The following RAB4A variants were observed in gnomAD, a reference collection of about 807,000 sequenced individuals.
RAB4A encodes the protein ras-related protein Rab-4A.
A neutral mutation model predicts 34.5 loss-of-function variants in RAB4A; 20 were observed. That is an observed-to-expected ratio of 0.58 (90% CI 0.41 to 0.84). The LOEUF (loss-of-function observed/expected upper bound fraction) is 0.84. Ranked by LOEUF, RAB4A falls within the 40% of genes least tolerant of loss-of-function variation. The pLI is 0.00. For missense variants in RAB4A, 228 were observed against 274.5 expected, an observed-to-expected ratio of 0.83 and a Z score of 1.20; for synonymous variants, 102 against 100.0, an observed-to-expected ratio of 1.02 and a Z score of -0.12.
intron 1 of RAB4A, among the ~76,000 whole-genome samples, chr1:229,272,361 T>C (rs1656513042): frequency 6.6e-6 from 1 of 152,134 alleles, no homozygotes; most frequent in Admixed American, 6.5e-5. Context: ...CTTCCTTCTC[T>C]GCAACAAATA....
chr1:229,271,940 T>A (rs1305640425), intron 1 of RAB4A, among the ~76,000 whole-genome samples: 1 of 152,204 alleles, frequency 6.6e-6, no homozygotes, highest in Non-Finnish European at 1.5e-5. Context: ...TAGCCTTTTC[T>A]GGGTTGCATT....
intron 6 of RAB4A, 79 bp from the exon 7 acceptor site, chr1:229,302,783 C>CT (rs563708134): frequency 0.063 from 49,411 of 787,922 alleles, 2 homozygotes; most frequent in South Asian, 0.069. Flanking sequence ...CTGTACTTTG[C>CT]TTTTTTTTTT....
intron 6 of RAB4A, among the ~76,000 whole-genome samples, chr1:229,299,432 G>A (rs1657326039): frequency 1.3e-5 from 2 of 152,176 alleles, no homozygotes; most frequent in Admixed American, 1.3e-4. Context: ...TAATTCTGTT[G>A]GGCCAGTGGT....
At chr1:229,303,087 C>A in intron 7 of RAB4A, 98 bp downstream of exon 7, 1 of 842,366 alleles carries the variant, frequency 1.2e-6, no homozygotes, top group East Asian at 2.6e-5. Context: ...AGAGGGGATC[C>A]CAGCCGGGTG....
intron 1 of RAB4A, among the ~76,000 whole-genome samples, chr1:229,285,964 G>A (rs1419472806): frequency 3.9e-5 from 6 of 152,196 alleles, no homozygotes; most frequent in Non-Finnish European, 7.3e-5. Flanking sequence ...CCTAAACTTG[G>A]CTTATGCCGT....
chr1:229,286,512 G>A lies in RAB4A; in HGVS notation c.58G>A (p.Gly20Arg). 1.3e-6 allele frequency: 2 copies of A among 1,578,390 alleles called. No homozygotes were observed. Among genetic ancestry groups the A allele is most frequent in the Non-Finnish European group, 1.7e-6 (2 of 1,163,860 alleles). ...YDFLFKFLVI[G>R]NAGTGKSCLL... ...TTTTTTGTTTAAGTTCTTGGTTATT[G>A]GAAATGCAGGAACTGGCAAATCTTG... Residue 20 changes from glycine (G) to arginine (R), a missense_variant, in exon 2 of 8, where the codon GGA (glycine) becomes AGA (arginine). Transcript: ENST00000366690.
chr1:229,281,000 G>A (rs767689241), intron 1 of RAB4A, among the ~76,000 whole-genome samples: 1 of 152,146 alleles, frequency 6.6e-6, no homozygotes, highest in Admixed American at 6.5e-5. Context: ...TGTTATGAGT[G>A]TACCAAAGAT....
At chr1:229,284,074 T>TG (rs1558236456) in intron 1 of RAB4A, among the ~76,000 whole-genome samples, 11 of 146,526 alleles carry the variant, frequency 7.5e-5, no homozygotes, top group African/African-American at 1.1e-4. Flanking sequence ...GGTGGTTTTT[T>TG]TTGTTGTTGG....
intron 1 of RAB4A, among the ~76,000 whole-genome samples, chr1:229,280,037 AG>A (rs1490268975): frequency 1.2e-4 from 18 of 152,320 alleles, no homozygotes; most frequent in Non-Finnish European, 2.9e-5. Context: ...GCCTTTCTGT[AG>A]TTGTTAAGCA....
In RAB4A at chr1:229,276,812, C is replaced by A. The variant is rs1040280938; in HGVS notation, c.31+5442C>A. ...GCAAATTGGGTTTCATTCCAAAGTT[C>A]TTCGTCGTAGTGACTTGAGCAGCTG... On this transcript the variant is annotated intron_variant, in intron 1 of 7. Transcript: ENST00000366690. Among the ~76,000 whole-genome samples, 6 of 150,826 alleles carry A rather than the reference C, an allele frequency of 4.0e-5. 1 individual carries two copies. Among genetic ancestry groups the A allele is most frequent in the African/African-American group, 1.5e-4 (6 of 40,284 alleles).
intron 1 of RAB4A, among the ~76,000 whole-genome samples, chr1:229,277,281 T>A (rs2102834443): frequency 6.6e-6 from 1 of 151,120 alleles, no homozygotes; most frequent in South Asian, 2.1e-4. Flanking sequence ...GATTCCGCTG[T>A]GCCGACAACG....
Position 229,305,068 on chromosome 1 carries a change from A to G in RAB4A, c.*1275A>G. On this transcript the variant is annotated 3_prime_UTR_variant, in exon 8 of 8. Coordinates refer to ENST00000366690, the MANE Select transcript of RAB4A (RefSeq NM_004578.4). The stretch of plus-strand genomic sequence containing the variant: ...ACTAGTAAATTAACTTTTAGTTAGA[A>G]GATGCCTACTGCTTTTGTTGTTTAT... 1 of 1,440,306 alleles carries G rather than the reference A, an allele frequency of 6.9e-7. No homozygotes were observed. Among genetic ancestry groups the G allele is most frequent in the Non-Finnish European group, 9.1e-7 (1 of 1,093,404 alleles). 89.2% of individuals were successfully genotyped at this position (1,440,306 alleles called of 1,614,324 possible). A position where few individuals can be genotyped will look rare whatever the true frequency, so the allele number is the denominator to read the frequency against.
intron 3 of RAB4A, among the ~76,000 whole-genome samples, chr1:229,290,951 A>C (rs1323583971): frequency 6.6e-6 from 1 of 152,190 alleles, no homozygotes; most frequent in East Asian, 1.9e-4. Flanking sequence ...ACCTAAAATC[A>C]AACATAGTAA....
chr1:229,292,566 T>G (rs2102848813), intron 3 of RAB4A, among the ~76,000 whole-genome samples: 1 of 152,282 alleles, frequency 6.6e-6, no homozygotes, highest in African/African-American at 2.4e-5. Flanking sequence ...CACCAGTCCT[T>G]AAAGCGTGTG....
intron 1 of RAB4A, among the ~76,000 whole-genome samples, chr1:229,274,550 A>G (rs1656591581): frequency 6.6e-6 from 1 of 152,220 alleles, no homozygotes; most frequent in Non-Finnish European, 1.5e-5. Context: ...TAGGTTTTGG[A>G]TGAAACCCTT....
chr1:229,297,147 A>G (rs538184488), intron 4 of RAB4A, among the ~76,000 whole-genome samples: 1 of 152,364 alleles, frequency 6.6e-6, no homozygotes, highest in African/African-American at 2.4e-5. Context: ...TAGCTATGAA[A>G]TCTTGCCTAC....
chr1:229,297,660 T>A, intron 5 of RAB4A, 24 bp downstream of exon 5: 2 of 1,542,388 alleles, frequency 1.3e-6, no homozygotes, highest in Non-Finnish European at 1.7e-6. Context: ...TACTTCTTAC[T>A]ATTTTTCAAA....
chr1:229,273,693 T>G (rs1360786730), intron 1 of RAB4A, among the ~76,000 whole-genome samples: 3 of 152,182 alleles, frequency 2.0e-5, no homozygotes, highest in African/African-American at 7.2e-5. Context: ...GAGCCAAGAT[T>G]GTGCCACTGC....
chr1:229,281,841 T>TC (rs1157311159), intron 1 of RAB4A, among the ~76,000 whole-genome samples: 1 of 138,276 alleles, frequency 7.2e-6, no homozygotes, highest in East Asian at 2.0e-4. Flanking sequence ...TATATATATA[T>TC]ATATATCATA....
Sources: allele counts gnomAD v4.1 joint callset (sites outside exome capture counted in the v4.1 genomes callset), GRCh38; gene constraint gnomAD v4.1.1; transcripts MANE v1.5; gene names NCBI Gene and HGNC (gene_info 2026-07-23, HGNC 2026-07-21).